The following WDR27 variants were observed in gnomAD, a reference collection of about 807,000 sequenced individuals.
WDR27 encodes WD repeat domain 27.
In WDR27, 100 loss-of-function variants were observed where a neutral mutation model predicts 114.4. That is an observed-to-expected ratio of 0.87 (90% CI 0.74 to 1.03). The LOEUF is 1.03. WDR27 is among the 50% of genes least tolerant of loss of function. The pLI is 0.00. For missense variants in WDR27, 1,129 were observed against 1,092.9 expected (o/e 1.03, Z -0.47); for synonymous variants, 449 against 423.1 (o/e 1.06, Z -0.75).
In WDR27 at chr6:169,457,511, A is replaced by G; in HGVS notation, c.*81T>C. 3 of 1,269,320 alleles carry G rather than the reference A, an allele frequency of 2.4e-6. No individual in the cohort carries two copies. Among genetic ancestry groups the G allele is most frequent in the Non-Finnish European group, 3.2e-6 (3 of 926,634 alleles). 78.6% of individuals were successfully genotyped at this position (1,269,320 alleles called of 1,614,324 possible). ...AACAGTTGCTGCTTCTGGCCCCCTG[A>G]TGGATGAACCACTACTTCTTACTTT... On this transcript the variant is annotated 3_prime_UTR_variant, in exon 26 of 26. Coordinates refer to ENST00000448612, the MANE Select transcript of WDR27 (RefSeq NM_182552.5).
chr6:169,469,016 T>G (rs1367830093), intron 25 of WDR27, among the ~76,000 whole-genome samples: 1 of 152,210 alleles, frequency 6.6e-6, no homozygotes, highest in East Asian at 1.9e-4. Flanking sequence ...TATGACCTCA[T>G]GTAACCCTAA....
intron 5 of WDR27, 109 bp from the exon 6 acceptor site, chr6:169,667,296 T>C (rs1370648907): frequency 7.9e-7 from 1 of 1,261,572 alleles, no homozygotes; most frequent in Non-Finnish European, 1.0e-6. Context: ...CAAATGGTTA[T>C]CTAAAACAGA....
the WDR27 span, among the ~76,000 whole-genome samples, chr6:169,433,371 G>A: frequency 6.6e-6 from 1 of 152,302 alleles, no homozygotes; most frequent in South Asian, 2.1e-4. Flanking sequence ...TTAGTTTGCT[G>A]AGAATGATGG....
rs541720640 is a variant in WDR27, at chr6:169,474,549, A to G, written c.2646-16915T>C. ...CTAAGAAATAGCTGAAGAGAGAATT[A>G]GTGAATTGGAAAACTGATATAAAGA... On this transcript the variant is annotated intron_variant, in intron 25 of 25. Coordinates refer to ENST00000448612, the MANE Select transcript of WDR27 (RefSeq NM_182552.5). Among the ~76,000 whole-genome samples, 3 of 152,342 alleles carry G rather than the reference A, an allele frequency of 2.0e-5. No homozygotes were observed. In the South Asian group the frequency reaches 6.2e-4, roughly 32 times the overall value.
intron 25 of WDR27, among the ~76,000 whole-genome samples, chr6:169,557,341 G>GA (rs1175843125): frequency 6.6e-6 from 1 of 152,238 alleles, no homozygotes; most frequent in African/African-American, 2.4e-5. Context: ...GCCAGTCTGT[G>GA]ATGGACACAA....
At chr6:169,603,532 T>C (rs538165486) in intron 22 of WDR27, among the ~76,000 whole-genome samples, 1 of 152,368 alleles carries the variant, frequency 6.6e-6, no homozygotes, top group African/African-American at 2.4e-5. Flanking sequence ...TGCAAAGGTC[T>C]TTGTTTTCCT....
At position 169,584,226 on chromosome 6, in the gene WDR27, C is replaced by CCA. The variant is rs1466715033; in HGVS notation, c.2425-1294_2425-1293dup. On this transcript the variant is annotated intron_variant, in intron 23 of 25. Coordinates refer to ENST00000448612, the MANE Select transcript of WDR27 (RefSeq NM_182552.5). ...TTAACATAATGTCCTCCAGGTCCAT[C>CCA]CACACTGTGGCAAATGGCAGGCTAT... Among the ~76,000 whole-genome samples, 3 of 152,304 alleles carry CCA rather than the reference C, an allele frequency of 2.0e-5. No individual in the cohort carries two copies. The East Asian group carries it at 5.8e-4, about 29-fold the overall frequency.
At chr6:169,500,647 A>T (rs1454226385) in intron 25 of WDR27, among the ~76,000 whole-genome samples, 1 of 152,106 alleles carries the variant, frequency 6.6e-6, no homozygotes, top group African/African-American at 2.4e-5. Context: ...GCCCTCCGGG[A>T]GGTATGGCTG....
chr6:169,594,397 G>T (rs1195516676), intron 23 of WDR27, among the ~76,000 whole-genome samples: 1 of 152,056 alleles, frequency 6.6e-6, no homozygotes, highest in Non-Finnish European at 1.5e-5. Context: ...TTTCCTTGCT[G>T]GCAGACAAAC....
chr6:169,611,510 T>C (rs1198181440), intron 22 of WDR27, among the ~76,000 whole-genome samples: 1 of 152,022 alleles, frequency 6.6e-6, no homozygotes, highest in Non-Finnish European at 1.5e-5. Context: ...TTCACCATGT[T>C]GGCCAGGCTG....
chr6:169,497,902 T>C (rs1041812691), intron 25 of WDR27, among the ~76,000 whole-genome samples: 2 of 151,880 alleles, frequency 1.3e-5, no homozygotes, highest in Non-Finnish European at 2.9e-5. Flanking sequence ...CACTTCTGGA[T>C]ATATATATAT....
chr6:169,533,035 T>C (rs940083563), intron 25 of WDR27, among the ~76,000 whole-genome samples: 4 of 151,806 alleles, frequency 2.6e-5, no homozygotes, highest in African/African-American at 9.7e-5. Context: ...TCAAAGTCTG[T>C]AGGGGAAACA....
At chr6:169,543,044 C>A (rs868197306) in intron 25 of WDR27, among the ~76,000 whole-genome samples, 27 of 151,384 alleles carry the variant, frequency 1.8e-4, no homozygotes, top group Non-Finnish European at 1.3e-4. Flanking sequence ...TAATCAGCTA[C>A]ATGTAAGAAG....
rs562330847 is a variant in WDR27, at chr6:169,601,942, C to T, written c.2424+277G>A. 2.4e-4 allele frequency among the ~76,000 whole-genome samples: 37 copies of T among 152,272 alleles called. 1 individual carries two copies. In the South Asian group the frequency reaches 4.2e-3, roughly 17 times the overall value. On this transcript the variant is annotated intron_variant, in intron 23 of 25. Transcript: ENST00000448612. ...TCTTGTAATAAACAAGAAAATATAA[C>T]GTGTAGCACAGTGTCTTTCAAATAG...
intron 25 of WDR27, among the ~76,000 whole-genome samples, chr6:169,570,435 T>C (rs929348217): frequency 4.6e-5 from 7 of 152,216 alleles, no homozygotes; most frequent in African/African-American, 1.7e-4. Flanking sequence ...CAGCAGTGTG[T>C]ACGTGATGCT....
intron 1 of WDR27, among the ~76,000 whole-genome samples, chr6:169,689,707 G>A (rs1171282824): frequency 6.6e-6 from 1 of 152,220 alleles, no homozygotes; most frequent in Non-Finnish European, 1.5e-5. Flanking sequence ...AATGGCACTG[G>A]GGTCATCCTT....
intron 8 of WDR27, among the ~76,000 whole-genome samples, chr6:169,663,003 C>T (rs1312830520): frequency 2.0e-5 from 3 of 150,788 alleles, no homozygotes; most frequent in Admixed American, 6.6e-5. Flanking sequence ...CGGAGTCACT[C>T]GGATCACGCG....
chr6:169,598,732 G>C (rs571528640), intron 23 of WDR27, among the ~76,000 whole-genome samples: 2 of 152,342 alleles, frequency 1.3e-5, no homozygotes, highest in African/African-American at 4.8e-5. Flanking sequence ...ACAGAGGCCA[G>C]GGAAGCGTGA....
At chr6:169,613,727 C>A in intron 21 of WDR27, 71 bp from the exon 22 acceptor site, 1 of 1,274,080 alleles carries the variant, frequency 7.8e-7, no homozygotes, top group Non-Finnish European at 1.1e-6. Flanking sequence ...CTAATGATAT[C>A]TCATAATAGC....
Sources: allele counts gnomAD v4.1 joint callset (sites outside exome capture counted in the v4.1 genomes callset), GRCh38; gene constraint gnomAD v4.1.1; transcripts MANE v1.5; gene names NCBI Gene and HGNC (gene_info 2026-07-23, HGNC 2026-07-21).